The following MYO1E variants were observed in gnomAD, a reference collection of about 807,000 sequenced individuals.
The protein encoded by MYO1E is myosin IE, also known as unconventional myosin-Ie.
A neutral mutation model predicts 151.1 loss-of-function variants in MYO1E; 68 were observed. The observed-to-expected ratio is 0.45, with a 90% CI of 0.37 to 0.55. MYO1E has a LOEUF of 0.55. Ranked by LOEUF, MYO1E falls within the 20% of genes least tolerant of loss-of-function variation. The pLI is 0.00. For missense variants in MYO1E, 1,363 were observed against 1,389.3 expected (o/e 0.98, Z 0.30); for synonymous variants, 601 against 501.7 (o/e 1.20, Z -2.64).
intron 7 of MYO1E, among the ~76,000 whole-genome samples, chr15:59,225,650 CTT>C (rs113019199): frequency 2.0e-4 from 28 of 139,280 alleles, no homozygotes; most frequent in African/African-American, 3.2e-4. Context: ...CTTTTCTTTT[CTT>C]TTTTTTTTTT....
intron 1 of MYO1E, among the ~76,000 whole-genome samples, chr15:59,314,810 G>C (rs1245413315): frequency 1.3e-4 from 20 of 152,134 alleles, no homozygotes; most frequent in African/African-American, 4.6e-4. Flanking sequence ...AATGTCAGCA[G>C]TGTCAATGTT....
At chr15:59,366,903 A>G (rs1454227624) in intron 1 of MYO1E, among the ~76,000 whole-genome samples, 2 of 151,576 alleles carry the variant, frequency 1.3e-5, no homozygotes, top group Non-Finnish European at 2.9e-5. Flanking sequence ...ATATTTCAGC[A>G]TGGTGAGAAA....
At chr15:59,286,458 C>T (rs561076354) in intron 1 of MYO1E, among the ~76,000 whole-genome samples, 1 of 152,278 alleles carries the variant, frequency 6.6e-6, no homozygotes, top group African/African-American at 2.4e-5. Flanking sequence ...AACGTGGAAA[C>T]TCCACAAGAG....
chr15:59,231,630 A>G, intron 6 of MYO1E, 72 bp downstream of exon 6: 1 of 1,485,036 alleles, frequency 6.7e-7, no homozygotes, highest in Middle Eastern at 1.7e-4. Flanking sequence ...TTCCTGTGGG[A>G]TACTAGACTT....
intron 1 of MYO1E, 35 bp downstream of exon 1, chr15:59,372,463 G>C: frequency 6.5e-7 from 1 of 1,537,354 alleles, no homozygotes; most frequent in South Asian, 1.2e-5. Context: ...CCGTCCCCGG[G>C]TCCGGCGTCC....
chr15:59,269,809 C>T (rs1185676158), intron 2 of MYO1E, among the ~76,000 whole-genome samples: 3 of 151,858 alleles, frequency 2.0e-5, no homozygotes, highest in African/African-American at 4.8e-5. Context: ...GCCAAGATTT[C>T]GCCAACTGCA....
At chr15:59,174,327 GTTT>G (rs2140317520) in intron 19 of MYO1E, 87 bp from the exon 20 acceptor site, 1 of 937,092 alleles carries the variant, frequency 1.1e-6, no homozygotes, top group Admixed American at 1.7e-5. Flanking sequence ...GGGACCCTCA[GTTT>G]AGACAATGAC....
intron 17 of MYO1E, among the ~76,000 whole-genome samples, chr15:59,193,299 T>A (rs566930461): frequency 6.6e-6 from 1 of 152,226 alleles, no homozygotes; most frequent in Non-Finnish European, 1.5e-5. Flanking sequence ...AGATGTTTTC[T>A]GTATGATTGA....
intron 1 of MYO1E, among the ~76,000 whole-genome samples, chr15:59,364,106 C>A (rs2080900162): frequency 6.6e-6 from 1 of 152,190 alleles, no homozygotes; most frequent in Non-Finnish European, 1.5e-5. Flanking sequence ...ATGCTAACCT[C>A]CTTTGCCATG....
chr15:59,142,660 G>A (rs1331754993), intron 26 of MYO1E, among the ~76,000 whole-genome samples: 6 of 152,038 alleles, frequency 3.9e-5, no homozygotes, highest in African/African-American at 1.2e-4. Flanking sequence ...CCTTCATGGC[G>A]CCTACAGACT....
chr15:59,268,415 C>A (rs1233318820), intron 2 of MYO1E, among the ~76,000 whole-genome samples: 1 of 152,116 alleles, frequency 6.6e-6, no homozygotes, highest in Non-Finnish European at 1.5e-5. Context: ...GTCATCGATT[C>A]AAAGGCATTA....
At chr15:59,364,501 A>T (rs1479481991) in intron 1 of MYO1E, among the ~76,000 whole-genome samples, 2 of 152,260 alleles carry the variant, frequency 1.3e-5, no homozygotes, top group Non-Finnish European at 2.9e-5. Context: ...GGATTATAAT[A>T]CTGCCACCAA....
At chr15:59,176,177 G>C (rs2079623719) in intron 19 of MYO1E, among the ~76,000 whole-genome samples, 1 of 152,132 alleles carries the variant, frequency 6.6e-6, no homozygotes, top group South Asian at 2.1e-4. Context: ...TCCTGCCTCA[G>C]CCACCTGAGT....
In MYO1E at chr15:59,291,682, TAAAAAAAAAAAAA is replaced by T. The variant is rs1182076268; in HGVS notation, c.4-19246_4-19234del. Among the ~76,000 whole-genome samples, 7 of 7,804 alleles carry T rather than the reference TAAAAAAAAAAAAA, an allele frequency of 9.0e-4. 1 individual carries two copies. The highest frequency in any genetic ancestry group is 0.014 in the East Asian group (2 of 148). The allele number at this position is 7,804 out of a possible 152,430, so 5.1% of individuals were successfully genotyped here. A position where few individuals can be genotyped will look rare whatever the true frequency, so the allele number is the denominator to read the frequency against. Reference sequence around the variant, plus strand: ...GAAATCCCGTCTCTACTAAAAATACTAAAAAAAAAAAAAAAAAAAAAAAAAAAAAAGAGAGAGA... The same window carrying T: ...GAAATCCCGTCTCTACTAAAAATACTAAAAAAAAAAAAAAAAAGAGAGAGA... On this transcript the variant is annotated intron_variant, in intron 1 of 27. Transcript: ENST00000288235.
rs1282852319 is a variant in MYO1E, at chr15:59,172,230, G to A, written c.2335-188C>T. On this transcript the variant is annotated intron_variant, in intron 21 of 27. Coordinates refer to ENST00000288235, the MANE Select transcript of MYO1E (RefSeq NM_004998.4). ...AAATTAGCTGGGTGTGGTGGTGGGC[G>A]CCTGCAATCCCAGCTACTTGGGAGG... 6.6e-5 allele frequency among the ~76,000 whole-genome samples: 10 copies of A among 152,158 alleles called. No individual in the cohort carries two copies. In the South Asian group the frequency reaches 1.2e-3, roughly 19 times the overall value.
intron 1 of MYO1E, among the ~76,000 whole-genome samples, chr15:59,371,222 G>C (rs1167610882): frequency 1.3e-5 from 2 of 152,150 alleles, no homozygotes; most frequent in Admixed American, 6.5e-5. Context: ...TGAGCTTTGT[G>C]TGCAGGTTTC....
chr15:59,217,952 C>T lies in MYO1E; in HGVS notation c.1046G>A (p.Cys349Tyr). ...CTTGGCGAGCGCATCCCGGGTGTAA[C>T]AGGCCTGCTCTACGTTGAGGGTCAC... ...IHVTLNVEQA[C>Y]YTRDALAKAL... The change falls in exon 10 of 28, where the codon TGT (cysteine) becomes TAT (tyrosine). Residue 349 changes from cysteine to tyrosine, a missense_variant. Coordinates refer to ENST00000288235, the MANE Select transcript of MYO1E (RefSeq NM_004998.4). 1.2e-6 allele frequency: 2 copies of T among 1,614,238 alleles called. No homozygotes were observed. Among genetic ancestry groups the T allele is most frequent in the African/African-American group, 1.3e-5 (1 of 75,066 alleles).
intron 2 of MYO1E, among the ~76,000 whole-genome samples, chr15:59,267,417 G>T (rs2080262891): frequency 6.6e-6 from 1 of 152,196 alleles, no homozygotes; most frequent in East Asian, 1.9e-4. Context: ...GGTGGCACAG[G>T]GAGGTGAGTT....
rs749048335 is a variant in MYO1E at position 59,161,138 on chromosome 15, G to C, written c.2720C>G (p.Ala907Gly). 3.7e-6 allele frequency: 6 copies of C among 1,613,984 alleles called. No homozygotes were observed. The highest frequency in any genetic ancestry group is 1.3e-5 in the African/African-American group (1 of 74,912). ...CACTTTGTTACTGGGCTTGAGGACAGCCAGGTCCCCAAACCCTTGGTGGAA... is the reference window on the plus strand; with the variant it reads ...CACTTTGTTACTGGGCTTGAGGACACCCAGGTCCCCAAACCCTTGGTGGAA... ...VQFHQGFGDL[A>G]VLKPSNKVLQ... Residue 907 changes from alanine to glycine, a missense_variant, in exon 24 of 28, where the codon GCT becomes GGT. Physicochemically the swap from Ala to Gly is moderately conservative, Grantham distance 60. Coordinates refer to ENST00000288235, the MANE Select transcript of MYO1E (RefSeq NM_004998.4).
Sources: allele counts gnomAD v4.1 joint callset (sites outside exome capture counted in the v4.1 genomes callset), GRCh38; gene constraint gnomAD v4.1.1; transcripts MANE v1.5; gene names NCBI Gene and HGNC (gene_info 2026-07-23, HGNC 2026-07-21).